The following MICU2 variants were observed in gnomAD, a reference collection of about 807,000 sequenced individuals.
MICU2 encodes the protein calcium uptake protein 2, mitochondrial.
A neutral mutation model predicts 60.4 loss-of-function variants in MICU2; 64 were observed. The observed-to-expected ratio is 1.06, with a 90% confidence interval of 0.87 to 1.31. MICU2 has a LOEUF of 1.31. Ranked by LOEUF, MICU2 falls within the 50% of genes most tolerant of loss-of-function variation. The probability of loss-of-function intolerance (pLI) is 0.00; values close to 1 mark genes in which losing one functional copy is unlikely to be tolerated. For missense variants in MICU2, 569 were observed against 531.0 expected (o/e 1.07, Z -0.70); for synonymous variants, 201 against 175.0 (o/e 1.15, Z -1.17).
At chr13:21,551,555 T>A (rs974300113) in intron 2 of MICU2, 3 of 151,246 alleles carry the variant, frequency 2.0e-5, no homozygotes, top group Non-Finnish European at 4.4e-5. Context: ...TCATTTAGCA[T>A]TAGGTATATC....
intron 2 of MICU2, among the ~76,000 whole-genome samples, chr13:21,547,256 G>C (rs766407395): frequency 1.3e-5 from 2 of 152,196 alleles, no homozygotes. Context: ...TAAGGTTCTG[G>C]ATGAGCATGT....
At chr13:21,553,258 G>A (rs1216465305) in intron 2 of MICU2, among the ~76,000 whole-genome samples, 1 of 152,120 alleles carries the variant, frequency 6.6e-6, no homozygotes. Context: ...GAATGCTTGT[G>A]ATTTTTGCAC....
chr13:21,585,003 G>A (rs541619908), intron 1 of MICU2, among the ~76,000 whole-genome samples: 1 of 152,242 alleles, frequency 6.6e-6, no homozygotes, highest in African/African-American at 2.4e-5. Flanking sequence ...AATATACTTT[G>A]CTGTTACAAT....
intron 1 of MICU2, among the ~76,000 whole-genome samples, chr13:21,593,410 A>T (rs932814643): frequency 5.3e-5 from 8 of 152,210 alleles, no homozygotes; most frequent in African/African-American, 1.9e-4. Context: ...GATAGGAAGA[A>T]TCAATATTGT....
At chr13:21,535,428 C>T (rs1887108037) in intron 4 of MICU2, among the ~76,000 whole-genome samples, 1 of 152,080 alleles carries the variant, frequency 6.6e-6, no homozygotes, top group African/African-American at 2.4e-5. Context: ...AAAATGCTTC[C>T]AGAAAAGTCT....
intron 2 of MICU2, among the ~76,000 whole-genome samples, chr13:21,549,190 A>G (rs1210885400): frequency 6.6e-6 from 1 of 151,998 alleles, no homozygotes; most frequent in Non-Finnish European, 1.5e-5. Flanking sequence ...TGGCCTCCCA[A>G]CGTGCTGGGA....
chr13:21,585,596 AAAC>A (rs1888438146), intron 1 of MICU2, among the ~76,000 whole-genome samples: 1 of 152,230 alleles, frequency 6.6e-6, no homozygotes, highest in Non-Finnish European at 1.5e-5. Flanking sequence ...AAATAAAAGA[AAAC>A]AATGCCAATT....
intron 1 of MICU2, among the ~76,000 whole-genome samples, chr13:21,577,449 G>C (rs1248804093): frequency 1.3e-5 from 2 of 152,010 alleles, no homozygotes; most frequent in Non-Finnish European, 2.9e-5. Context: ...CAGGCCAGGA[G>C]TTGTAGACCA....
chr13:21,595,703 T>C (rs1174978571), intron 1 of MICU2, among the ~76,000 whole-genome samples: 1 of 152,250 alleles, frequency 6.6e-6, no homozygotes, highest in East Asian at 1.9e-4. Context: ...TTCTACAGAC[T>C]AGTTGTGGCC....
At position 21,522,592 on chromosome 13, in the gene MICU2, G is replaced by T; in HGVS notation, c.514+11C>A. On this transcript the variant is annotated intron_variant, in intron 5 of 11. Coordinates refer to ENST00000382374, the MANE Select transcript of MICU2 (RefSeq NM_152726.3). ...CCACATGATCTCTGAGAAAAACTGT[G>T]GGATACTTACTAGTGAGGATTGTAA... 6.3e-7 allele frequency: 1 copy of T among 1,589,358 alleles called. No homozygotes were observed. The highest frequency in any genetic ancestry group is 8.6e-7 in the Non-Finnish European group (1 of 1,166,850).
intron 8 of MICU2, 57 bp from the exon 9 acceptor site, chr13:21,503,154 T>C: frequency 2.3e-6 from 3 of 1,316,974 alleles, no homozygotes; most frequent in Non-Finnish European, 3.2e-6. Flanking sequence ...CCTTAAATAT[T>C]GTAAATGGGT....
At chr13:21,494,333 T>C (rs1466945112) in intron 11 of MICU2, among the ~76,000 whole-genome samples, 1 of 152,184 alleles carries the variant, frequency 6.6e-6, no homozygotes, top group African/African-American at 2.4e-5. Context: ...TAGATTCTCT[T>C]TGGACCCTAG....
At chr13:21,493,564 G>A (rs542237868) in intron 11 of MICU2, among the ~76,000 whole-genome samples, 1 of 152,268 alleles carries the variant, frequency 6.6e-6, no homozygotes, top group Admixed American at 6.5e-5. Context: ...CTAGGGAGTG[G>A]AACCAGACTG....
chr13:21,590,664 C>G (rs1229294534), intron 1 of MICU2, among the ~76,000 whole-genome samples: 3 of 152,128 alleles, frequency 2.0e-5, no homozygotes, highest in Non-Finnish European at 2.9e-5. Context: ...ACCATCGTGG[C>G]CAACATGGTG....
intron 1 of MICU2, among the ~76,000 whole-genome samples, chr13:21,601,142 A>T (rs1171407864): frequency 6.6e-6 from 1 of 152,204 alleles, no homozygotes; most frequent in Non-Finnish European, 1.5e-5. Context: ...AGAGTTTACC[A>T]ACTTGGAATA....
At chr13:21,553,560 T>A (rs1593341561) in intron 2 of MICU2, among the ~76,000 whole-genome samples, 1 of 152,246 alleles carries the variant, frequency 6.6e-6, no homozygotes, top group East Asian at 1.9e-4. Flanking sequence ...GAACAACTGG[T>A]ACCAGCCACT....
intron 8 of MICU2, among the ~76,000 whole-genome samples, chr13:21,506,015 G>A (rs971833967): frequency 2.6e-4 from 39 of 151,558 alleles, no homozygotes; most frequent in African/African-American, 9.0e-4. Context: ...CATTCTTCAT[G>A]CCCAGACTCC....
chr13:21,579,506 A>C (rs1363813579), intron 1 of MICU2, among the ~76,000 whole-genome samples: 2 of 151,944 alleles, frequency 1.3e-5, no homozygotes, highest in African/African-American at 4.8e-5. Flanking sequence ...ACGCCAAGCT[A>C]ATTTTTTGTA....
chr13:21,530,480 A>AT (rs398117069), intron 4 of MICU2, among the ~76,000 whole-genome samples: 154 of 151,254 alleles, frequency 1.0e-3, no homozygotes, highest in African/African-American at 3.6e-3. Flanking sequence ...AAAAAAAAAA[A>AT]TCCTGGAAAT....
Sources: allele counts gnomAD v4.1 joint callset (sites outside exome capture counted in the v4.1 genomes callset), GRCh38; gene constraint gnomAD v4.1.1; transcripts MANE v1.5; gene names NCBI Gene and HGNC (gene_info 2026-07-23, HGNC 2026-07-21).